The following SPIDR variants were observed in gnomAD, a reference collection of about 807,000 sequenced individuals.
SPIDR encodes the protein scaffold protein involved in DNA repair.
Under a neutral mutation model 104.6 loss-of-function variants are expected in SPIDR, and 93 were observed. The observed-to-expected ratio is 0.89, with a 90% CI of 0.75 to 1.06. The LOEUF is 1.06. SPIDR is among the 50% of genes least tolerant of loss of function. The pLI, the probability that SPIDR is intolerant of heterozygous loss-of-function variation, is 0.00. For missense variants in SPIDR, 1,154 were observed against 1,111.2 expected, an observed-to-expected ratio of 1.04 and a Z score of -0.55; for synonymous variants, 431 against 416.9, an observed-to-expected ratio of 1.03 and a Z score of -0.41.
chr8:47,418,064 T>G (rs1459773366), intron 7 of SPIDR, among the ~76,000 whole-genome samples: 1 of 152,200 alleles, frequency 6.6e-6, no homozygotes, highest in Non-Finnish European at 1.5e-5. Flanking sequence ...GCGTGATGCC[T>G]CCAGCTTTGT....
At position 47,512,136 on chromosome 8, in the gene SPIDR, C is replaced by A. The variant is rs546711460; in HGVS notation, c.1097+71594C>A. 4.5e-6 allele frequency: 2 copies of A among 445,162 alleles called. 1 individual carries two copies. The highest frequency in any genetic ancestry group is 5.0e-5 in the South Asian group (2 of 40,360). The allele number at this position is 445,162 out of a possible 1,614,324, so 27.6% of individuals were successfully genotyped here. On this transcript the variant is annotated intron_variant, in intron 8 of 19. Transcript: ENST00000297423. ...ACTCTCTCAGCGTCTTCTGTTGCTCCGCTGCCGTCTTCATCCCATGCGCCT... is the reference window on the plus strand; with the variant it reads ...ACTCTCTCAGCGTCTTCTGTTGCTCAGCTGCCGTCTTCATCCCATGCGCCT...
intron 1 of SPIDR, among the ~76,000 whole-genome samples, chr8:47,262,191 A>G (rs1303504677): frequency 1.3e-5 from 2 of 152,246 alleles, no homozygotes; most frequent in African/African-American, 4.8e-5. Context: ...GCTCAAACTT[A>G]GTGCATCACA....
chr8:47,440,479 C>A lies in SPIDR; in HGVS notation c.1034C>A (p.Thr345Asn). ...RPGAGLKVLF[T>N]KETAGYLRGR... ...GGAGCTGGCCTGAAAGTTCTCTTCA[C>A]CAAGGAGACTGCAGGCTACCTCAGG... Residue 345 changes from threonine to asparagine, a missense_variant, in exon 8 of 20, where the codon ACC becomes AAC. Transcript: ENST00000297423. 1 of 1,614,222 alleles carries A rather than the reference C, an allele frequency of 6.2e-7. No individual in the cohort carries two copies. The highest frequency in any genetic ancestry group is 8.5e-7 in the Non-Finnish European group (1 of 1,180,028).
rs557862170 is a variant in SPIDR, at chr8:47,700,513, T to G, written c.1773+23T>G. The G allele has an allele frequency of 5.1e-5, 83 of 1,613,708 alleles. No individual in the cohort carries two copies. The South Asian group carries it at 8.5e-4, about 16-fold the overall frequency. ...GAGGTAAGCCCGGCACTGGAAAAAC[T>G]TCCCCAGTCACAGACTACTCCATGC... On this transcript the variant is annotated intron_variant, in intron 12 of 19. Transcript: ENST00000297423.
intron 5 of SPIDR, among the ~76,000 whole-genome samples, chr8:47,302,329 T>C (rs2154248425): frequency 6.8e-6 from 1 of 146,088 alleles, no homozygotes; most frequent in East Asian, 2.0e-4. Flanking sequence ...CATTGGTTAT[T>C]CTAGTTAGCC....
At chr8:47,549,302 G>A (rs1435115898) in intron 8 of SPIDR, among the ~76,000 whole-genome samples, 1 of 152,138 alleles carries the variant, frequency 6.6e-6, no homozygotes, top group African/African-American at 2.4e-5. Context: ...GGCTCGTTGG[G>A]TCAAATGGTA....
intron 10 of SPIDR, among the ~76,000 whole-genome samples, chr8:47,655,297 G>A (rs959788172): frequency 3.9e-5 from 6 of 152,096 alleles, no homozygotes; most frequent in African/African-American, 1.2e-4. Context: ...CTGAGGAATC[G>A]CCACACTGAC....
At position 47,451,393 on chromosome 8, in the gene SPIDR, G is replaced by A. The variant is rs181892359; in HGVS notation, c.1097+10851G>A. 5.9e-5 allele frequency among the ~76,000 whole-genome samples: 9 copies of A among 152,042 alleles called. 1 individual carries two copies. Among genetic ancestry groups the A allele is most frequent in the East Asian group, 3.9e-4 (2 of 5,160 alleles). The stretch of plus-strand genomic sequence containing the variant: ...GTCCAGGAGTTCAAGACCAGCCTGC[G>A]CACCATGAAGAAACCCCATCTCTAT... On this transcript the variant is annotated intron_variant, in intron 8 of 19. Transcript: ENST00000297423.
intron 8 of SPIDR, among the ~76,000 whole-genome samples, chr8:47,576,460 G>T (rs1349217522): frequency 1.4e-5 from 2 of 146,016 alleles, no homozygotes; most frequent in African/African-American, 2.6e-5. Context: ...CTGAGACAGG[G>T]TCTTACTCTA....
chr8:47,695,141 A>C (rs2079155219), intron 11 of SPIDR, among the ~76,000 whole-genome samples: 1 of 152,178 alleles, frequency 6.6e-6, no homozygotes, highest in Admixed American at 6.5e-5. Context: ...AATGGAAGTG[A>C]GAAAGAAAAA....
chr8:47,471,030 G>A (rs1235493061), intron 8 of SPIDR, among the ~76,000 whole-genome samples: 11 of 152,112 alleles, frequency 7.2e-5, no homozygotes, highest in African/African-American at 2.2e-4. Flanking sequence ...CACCATGCCC[G>A]GCCGACTGAA....
intron 8 of SPIDR, among the ~76,000 whole-genome samples, chr8:47,502,916 C>T (rs369804323): frequency 5.9e-5 from 9 of 152,268 alleles, no homozygotes; most frequent in East Asian, 1.9e-4. Flanking sequence ...TTCAGGAGCA[C>T]GTTGTGCAGT....
At chr8:47,557,869 T>C (rs979527820) in intron 8 of SPIDR, among the ~76,000 whole-genome samples, 3 of 152,204 alleles carry the variant, frequency 2.0e-5, no homozygotes, top group African/African-American at 7.2e-5. Context: ...TGGGCTTTAC[T>C]GTTATTCACA....
intron 7 of SPIDR, among the ~76,000 whole-genome samples, chr8:47,408,338 AG>A (rs2063039624): frequency 6.6e-6 from 1 of 152,150 alleles, no homozygotes; most frequent in African/African-American, 2.4e-5. Context: ...ATAATCATGT[AG>A]CCTCAAACTC....
At chr8:47,347,072 T>C (rs557378186) in intron 5 of SPIDR, among the ~76,000 whole-genome samples, 1 of 151,610 alleles carries the variant, frequency 6.6e-6, no homozygotes, top group East Asian at 1.9e-4. Context: ...ATCTTTCCTC[T>C]TGTGGGCATT....
intron 8 of SPIDR, among the ~76,000 whole-genome samples, chr8:47,525,175 T>C (rs1165052332): frequency 1.3e-5 from 2 of 152,230 alleles, no homozygotes; most frequent in Non-Finnish European, 2.9e-5. Flanking sequence ...CTTCAGCTAG[T>C]TACTCCCTAT....
rs188106741 is a variant in SPIDR, at chr8:47,541,025, A to C, written c.1098-54786A>C. 3.8e-3 allele frequency among the ~76,000 whole-genome samples: 577 copies of C among 152,034 alleles called. 2 individuals carry two copies. The highest frequency in any genetic ancestry group is 6.1e-3 in the Non-Finnish European group (416 of 67,984). Reference sequence around the variant, plus strand: ...CAGGTGTCTACCATCACACCTGGCTAATTTTTGTATTTTTAATAGAGGTGG... The same window carrying C: ...CAGGTGTCTACCATCACACCTGGCTCATTTTTGTATTTTTAATAGAGGTGG... On this transcript the variant is annotated intron_variant, in intron 8 of 19. Transcript: ENST00000297423.
intron 5 of SPIDR, among the ~76,000 whole-genome samples, chr8:47,381,714 C>T (rs2059349323): frequency 6.6e-6 from 1 of 152,232 alleles, no homozygotes; most frequent in African/African-American, 2.4e-5. Context: ...CTCACCTGGC[C>T]TGCGAGTCTG....
At chr8:47,306,824 C>A (rs1186687657) in intron 5 of SPIDR, among the ~76,000 whole-genome samples, 1 of 152,128 alleles carries the variant, frequency 6.6e-6, no homozygotes, top group African/African-American at 2.4e-5. Flanking sequence ...TGTATCAAAT[C>A]ATGTATTCAT....
Sources: gnomAD v4.1 joint callset for allele counts (sites outside exome capture counted in the v4.1 genomes callset) on GRCh38, gnomAD v4.1.1 for gene constraint, MANE v1.5 for transcripts, NCBI Gene and HGNC (gene_info 2026-07-23, HGNC 2026-07-21) for gene names.